Variants in TIAM1 observed in about 807,000 individuals in gnomAD.
TIAM1 encodes TIAM Rac1 associated GEF 1, also known as rho guanine nucleotide exchange factor TIAM1.
Under a neutral mutation model 163.5 loss-of-function variants are expected in TIAM1, and 65 were observed. The observed-to-expected ratio is 0.40, with a 90% CI of 0.33 to 0.49. The LOEUF (loss-of-function observed/expected upper bound fraction) is 0.49, where lower values mean the gene tolerates loss of function less well. Among genes scored for constraint, TIAM1 ranks in the 20% least tolerant of loss-of-function variants. The pLI, the probability that TIAM1 is intolerant of heterozygous loss-of-function variation, is 0.77. For synonymous variants in TIAM1, 833 were observed against 810.1 expected, an observed-to-expected ratio of 1.03 and a Z score of -0.48; for missense variants, 1,789 against 2,044.7, an observed-to-expected ratio of 0.87 and a Z score of 2.41.
At chr21:31,527,967 G>T (rs1050477631) in intron 1 of TIAM1, among the ~76,000 whole-genome samples, 2 of 152,156 alleles carry the variant, frequency 1.3e-5, no homozygotes, top group African/African-American at 4.8e-5. Context: ...ATTCCAACAG[G>T]ATGCTAGACT....
intron 2 of TIAM1, among the ~76,000 whole-genome samples, chr21:31,301,855 A>AATAC (rs2074515350): frequency 1.1e-5 from 1 of 87,236 alleles, no homozygotes; most frequent in South Asian, 5.1e-4. Flanking sequence ...TAAATAGATA[A>AATAC]ATAGATAAAT....
At chr21:31,394,351 A>G (rs2077015963) in intron 2 of TIAM1, among the ~76,000 whole-genome samples, 1 of 152,202 alleles carries the variant, frequency 6.6e-6, no homozygotes, top group African/African-American at 2.4e-5. Flanking sequence ...AGATGGGGGA[A>G]AGGAGGGATG....
intron 1 of TIAM1, among the ~76,000 whole-genome samples, chr21:31,492,981 A>AT (rs5843520): frequency 0.19 from 29,075 of 151,022 alleles, 2,956 homozygotes; most frequent in Middle Eastern, 0.26. Flanking sequence ...ATAGTTATGT[A>AT]TTTTTTTTTT....
Position 31,130,875 on chromosome 21 carries a change from C to G in TIAM1, c.3942+15G>C. 1 of 1,612,378 alleles carries G rather than the reference C, an allele frequency of 6.2e-7. No individual in the cohort carries two copies. The highest frequency in any genetic ancestry group is 8.5e-7 in the Non-Finnish European group (1 of 1,178,492). On this transcript the variant is annotated intron_variant, in intron 24 of 27. Transcript: ENST00000541036. Reference sequence around the variant, plus strand: ...GAAATAGTTTCAAACCATGGGGTAACATAAGATGTCTTACAAGTTTCTTCT... The same window carrying G: ...GAAATAGTTTCAAACCATGGGGTAAGATAAGATGTCTTACAAGTTTCTTCT...
chr21:31,470,499 A>C lies in TIAM1; in HGVS notation c.-421-6464T>G, dbSNP rs188515624. On this transcript the variant is annotated intron_variant, in intron 1 of 28. Transcript: ENST00000286827. ...CAGGCATATGCCACCAGGCCTGGCT[A>C]ATTTTGTATTTTTAGTAGAGACAGG... 5.1e-4 allele frequency among the ~76,000 whole-genome samples: 77 copies of C among 151,430 alleles called. No individual in the cohort carries two copies. In the East Asian group the frequency reaches 0.015, roughly 29 times the overall value.
chr21:31,210,564 AAG>A (rs2086681993), intron 10 of TIAM1, among the ~76,000 whole-genome samples: 1 of 119,608 alleles, frequency 8.4e-6, no homozygotes, highest in Non-Finnish European at 1.6e-5. Flanking sequence ...GAAAGAAAGA[AAG>A]AAAGAAAGAA....
At chr21:31,180,313 G>A (rs2833326) in intron 15 of TIAM1, among the ~76,000 whole-genome samples, 21,021 of 152,144 alleles carry the variant, frequency 0.14, 1,706 homozygotes, top group Admixed American at 0.23. Flanking sequence ...CAGGGACAGC[G>A]AATTTGATGT....
At chr21:31,442,064 T>TAAAAAAAAAAAAAAAAAAA (rs1250832519) in intron 2 of TIAM1, among the ~76,000 whole-genome samples, 9 of 84,708 alleles carry the variant, frequency 1.1e-4, no homozygotes, top group African/African-American at 4.6e-4. Flanking sequence ...TCAGAACAAA[T>TAAAAAAAAAAAAAAAAAAA]AAATAAATAT....
At chr21:31,207,061 A>C (rs1278325768) in intron 11 of TIAM1, among the ~76,000 whole-genome samples, 1 of 152,224 alleles carries the variant, frequency 6.6e-6, no homozygotes, top group Non-Finnish European at 1.5e-5. Context: ...AGAATGACGT[A>C]GTAAAAGCAT....
At chr21:31,421,468 G>A (rs148335369) in intron 2 of TIAM1, among the ~76,000 whole-genome samples, 229 of 152,298 alleles carry the variant, frequency 1.5e-3, no homozygotes, top group Non-Finnish European at 2.4e-3. Flanking sequence ...CCTGAGCTCC[G>A]CCTCCTGTCA....
At chr21:31,254,218 T>C (rs2071970232) in intron 4 of TIAM1, among the ~76,000 whole-genome samples, 1 of 152,182 alleles carries the variant, frequency 6.6e-6, no homozygotes, top group Admixed American at 6.5e-5. Flanking sequence ...TTCCCAGAGC[T>C]CCAGAAGAGG....
chr21:31,221,591 C>T (rs1053445908), intron 8 of TIAM1, among the ~76,000 whole-genome samples: 1 of 152,198 alleles, frequency 6.6e-6, no homozygotes, highest in Non-Finnish European at 1.5e-5. Flanking sequence ...CGCCCAGTGG[C>T]TTTGAAGAAA....
chr21:31,430,745 A>G (rs533777928), intron 2 of TIAM1, among the ~76,000 whole-genome samples: 2 of 152,220 alleles, frequency 1.3e-5, no homozygotes, highest in South Asian at 4.1e-4. Context: ...TGTTTTCTTC[A>G]TTTAAATTCC....
At chr21:31,317,914 G>A (rs1293333414) in intron 2 of TIAM1, among the ~76,000 whole-genome samples, 1 of 152,134 alleles carries the variant, frequency 6.6e-6, no homozygotes, top group Non-Finnish European at 1.5e-5. Flanking sequence ...ATATTCTCAG[G>A]CAGCCCCAAC....
intron 6 of TIAM1, among the ~76,000 whole-genome samples, chr21:31,236,900 C>T (rs2088800944): frequency 1.3e-5 from 2 of 151,884 alleles, no homozygotes; most frequent in South Asian, 2.1e-4. Context: ...GCAGGGTTGC[C>T]CAAAGAGACG....
chr21:31,146,358 G>C (rs2083104760), intron 20 of TIAM1, among the ~76,000 whole-genome samples: 1 of 145,966 alleles, frequency 6.9e-6, no homozygotes, highest in African/African-American at 2.6e-5. Flanking sequence ...CGCTTGACCT[G>C]GGAGGTGGAG....
intron 4 of TIAM1, among the ~76,000 whole-genome samples, chr21:31,265,665 G>A (rs906720077): frequency 5.9e-5 from 9 of 152,284 alleles, no homozygotes; most frequent in African/African-American, 2.2e-4. Context: ...GTTTTTCCAC[G>A]GGAAGGACCA....
intron 6 of TIAM1, among the ~76,000 whole-genome samples, chr21:31,231,659 G>A (rs1015617464): frequency 2.3e-4 from 35 of 152,262 alleles, no homozygotes; most frequent in African/African-American, 8.2e-4. Context: ...GCTAGGGGCC[G>A]GAGTGAAGGG....
At position 31,155,605 on chromosome 21, in the gene TIAM1, C is replaced by T. The variant is rs149601816; in HGVS notation, c.2992-1179G>A. On this transcript the variant is annotated intron_variant, in intron 16 of 27. Transcript: ENST00000541036. ...CAGCAAGCTCCACCTTCCGGGTTCA[C>T]GCCATTCTCCTGCCTCAGCCTCCCG... Among the ~76,000 whole-genome samples the T allele has an allele frequency of 4.9e-3, 750 of 152,114 alleles. 5 individuals carry two copies. The highest frequency in any genetic ancestry group is 0.017 in the African/African-American group (719 of 41,494).
Sources: gnomAD v4.1 joint callset for allele counts (sites outside exome capture counted in the v4.1 genomes callset) on GRCh38, gnomAD v4.1.1 for gene constraint, MANE v1.5 for transcripts, NCBI Gene and HGNC (gene_info 2026-07-23, HGNC 2026-07-21) for gene names.